The following COG5 variants were observed in gnomAD, a reference collection of about 807,000 sequenced individuals.
The protein encoded by COG5 is conserved oligomeric Golgi complex subunit 5.
A neutral mutation model predicts 110.4 loss-of-function variants in COG5; 86 were observed. That is an observed-to-expected ratio of 0.78 (90% CI 0.65 to 0.93). The LOEUF is 0.93. Among genes scored for constraint, COG5 ranks in the 40% least tolerant of loss-of-function variants. The pLI is 0.00. For synonymous variants in COG5, 360 were observed against 334.6 expected, an observed-to-expected ratio of 1.08 and a Z score of -0.83; for missense variants, 1,077 against 987.0, an observed-to-expected ratio of 1.09 and a Z score of -1.22.
intron 6 of COG5, among the ~76,000 whole-genome samples, chr7:107,509,321 C>A (rs4421301): frequency 0.4 from 60,562 of 151,814 alleles, 12,750 homozygotes; most frequent in Non-Finnish European, 0.47. Context: ...AATGAATGAA[C>A]TGAAGCGAGA....
chr7:107,243,604 T>C lies in COG5; in HGVS notation c.1853+4792A>G, dbSNP rs1029074516. Reference sequence around the variant, plus strand: ...TCAGCACTCCAATGACAGTATTAGATAGATCATCAAGGCAGAAAATTAACA... The same window carrying C: ...TCAGCACTCCAATGACAGTATTAGACAGATCATCAAGGCAGAAAATTAACA... On this transcript the variant is annotated intron_variant, in intron 17 of 21. Transcript: ENST00000297135. 2.7e-5 allele frequency among the ~76,000 whole-genome samples: 4 copies of C among 148,494 alleles called. No homozygotes were observed. The South Asian group carries it at 6.3e-4, about 23-fold the overall frequency.
At chr7:107,501,063 GAAC>G (rs1563068903) in intron 6 of COG5, among the ~76,000 whole-genome samples, 1 of 152,080 alleles carries the variant, frequency 6.6e-6, no homozygotes, top group East Asian at 1.9e-4. Context: ...ATGAAAAGTA[GAAC>G]AACCCACCTA....
rs779069359 is a variant in COG5 at position 107,267,121 on chromosome 7, A to C, written c.1576-8738T>G. ...GTTTATGCATGAGAGATGAGCATGA[A>C]CACCACACAGGAATAAAATACAGCT... On this transcript the variant is annotated intron_variant, in intron 14 of 21. Coordinates refer to ENST00000297135, the MANE Select transcript of COG5 (RefSeq NM_006348.5). 3.9e-4 allele frequency among the ~76,000 whole-genome samples: 59 copies of C among 152,174 alleles called. 1 individual carries two copies. The highest frequency in any genetic ancestry group is 8.1e-4 in the Non-Finnish European group (55 of 68,016).
At chr7:107,203,951 C>A (rs1218234537) in intron 21 of COG5, among the ~76,000 whole-genome samples, 1 of 152,168 alleles carries the variant, frequency 6.6e-6, no homozygotes, top group Non-Finnish European at 1.5e-5. Flanking sequence ...ACTGAAGACA[C>A]CGGCAACGGA....
rs141280596 is a variant in COG5, at chr7:107,381,907, G to A, written c.670-9147C>T. Among the ~76,000 whole-genome samples the A allele has an allele frequency of 7.1e-3, 1,085 of 152,186 alleles. 17 individuals are homozygous for A. The highest frequency in any genetic ancestry group is 0.025 in the African/African-American group (1,042 of 41,512). On this transcript the variant is annotated intron_variant, in intron 7 of 21. Coordinates refer to ENST00000297135, the MANE Select transcript of COG5 (RefSeq NM_006348.5). ...CCGTGATCAAGACTGGAGCATGTTTGTTTCTGTCTAGTTCCTCTAAAATTT... is the reference window on the plus strand; with the variant it reads ...CCGTGATCAAGACTGGAGCATGTTTATTTCTGTCTAGTTCCTCTAAAATTT...
At chr7:107,361,953 A>G in intron 10 of COG5, 80 bp downstream of exon 10, 5 of 872,760 alleles carry the variant, frequency 5.7e-6, no homozygotes, top group Non-Finnish European at 9.5e-6. Context: ...TCTATAAGGT[A>G]GTAGTAACAC....
At chr7:107,423,523 T>C (rs984083661) in intron 6 of COG5, among the ~76,000 whole-genome samples, 2 of 151,984 alleles carry the variant, frequency 1.3e-5, no homozygotes, top group Non-Finnish European at 2.9e-5. Context: ...ATCAATTCTA[T>C]ACAATGAGAG....
At chr7:107,400,716 T>A (rs1374259991) in intron 7 of COG5, among the ~76,000 whole-genome samples, 1 of 152,134 alleles carries the variant, frequency 6.6e-6, no homozygotes, top group Non-Finnish European at 1.5e-5. Flanking sequence ...AGACAGTTAA[T>A]TAGATGTAAG....
chr7:107,227,345 G>T (rs1800418574), intron 19 of COG5, among the ~76,000 whole-genome samples: 1 of 152,010 alleles, frequency 6.6e-6, no homozygotes. Flanking sequence ...TCAATAGAAA[G>T]TATCTTTTAC....
In COG5 at chr7:107,258,055, C is replaced by A. The variant is rs547382261; in HGVS notation, c.1686+218G>T. Reference sequence around the variant, plus strand: ...TTAATTAACTTGAGGAGCTATAGTTCATGTGTTTTAAACTGAATGTACAAA... The same window carrying A: ...TTAATTAACTTGAGGAGCTATAGTTAATGTGTTTTAAACTGAATGTACAAA... On this transcript the variant is annotated intron_variant, in intron 15 of 21. Coordinates refer to ENST00000297135, the MANE Select transcript of COG5 (RefSeq NM_006348.5). 8.5e-5 allele frequency among the ~76,000 whole-genome samples: 13 copies of A among 152,196 alleles called. No homozygotes were observed. In the South Asian group the frequency reaches 2.7e-3, roughly 32 times the overall value.
chr7:107,487,691 TTTAA>T (rs1372693790), intron 6 of COG5, among the ~76,000 whole-genome samples: 1 of 151,912 alleles, frequency 6.6e-6, no homozygotes, highest in Non-Finnish European at 1.5e-5. Flanking sequence ...AAGATGTATG[TTTAA>T]GGATGATCAA....
chr7:107,409,301 G>A (rs1792100919), intron 7 of COG5, among the ~76,000 whole-genome samples: 1 of 149,152 alleles, frequency 6.7e-6, no homozygotes, highest in African/African-American at 2.5e-5. Flanking sequence ...TTGTCAAGAA[G>A]TTGAAATGGT....
Position 107,520,050 on chromosome 7 carries a change from G to C in COG5, c.538+7187C>G, listed in dbSNP as rs373284819. On this transcript the variant is annotated intron_variant, in intron 6 of 21. Transcript: ENST00000297135. ...CAGAACCAATGACAAAAAAACATAA[G>C]ATTACCTCAACAGACACAGAAAAGG... 7.9e-5 allele frequency among the ~76,000 whole-genome samples: 12 copies of C among 152,116 alleles called. 1 individual carries two copies. The East Asian group carries it at 1.2e-3, about 15-fold the overall frequency.
intron 6 of COG5, chr7:107,475,483 C>T (rs1174403651): frequency 1.6e-5 from 9 of 568,398 alleles, no homozygotes; most frequent in Non-Finnish European, 2.5e-5. Context: ...TGTAAATTTT[C>T]AATGTGAATG....
intron 11 of COG5, among the ~76,000 whole-genome samples, chr7:107,305,385 A>G (rs1312997138): frequency 6.6e-6 from 1 of 152,098 alleles, no homozygotes; most frequent in African/African-American, 2.4e-5. Flanking sequence ...GCCTTCACCT[A>G]TATCACCCAG....
intron 6 of COG5, among the ~76,000 whole-genome samples, chr7:107,429,957 G>C (rs1388718963): frequency 2.0e-5 from 3 of 152,052 alleles, no homozygotes; most frequent in African/African-American, 7.2e-5. Context: ...AATACAGTTG[G>C]GTTGTCTTTT....
intron 11 of COG5, among the ~76,000 whole-genome samples, chr7:107,308,609 T>C (rs575636429): frequency 6.6e-6 from 1 of 152,102 alleles, no homozygotes; most frequent in Non-Finnish European, 1.5e-5. Flanking sequence ...TAAATAGAAA[T>C]TTATCTCATG....
intron 5 of COG5, among the ~76,000 whole-genome samples, chr7:107,533,084 CCTGA>C (rs762937977): frequency 4.0e-5 from 6 of 151,728 alleles, no homozygotes; most frequent in East Asian, 1.9e-4. Flanking sequence ...AGCAGAGGGG[CCTGA>C]CTGTTAGAAG....
chr7:107,347,191 T>C (rs1342278974), intron 10 of COG5, among the ~76,000 whole-genome samples: 5 of 152,196 alleles, frequency 3.3e-5, no homozygotes, highest in Non-Finnish European at 5.9e-5. Flanking sequence ...TGACATTCTT[T>C]CAAATGTTGT....
Sources: gnomAD v4.1 joint callset for allele counts (sites outside exome capture counted in the v4.1 genomes callset) on GRCh38, gnomAD v4.1.1 for gene constraint, MANE v1.5 for transcripts, NCBI Gene and HGNC (gene_info 2026-07-23, HGNC 2026-07-21) for gene names.